The following CCDC93 variants were observed in gnomAD, a reference collection of about 807,000 sequenced individuals.
The protein encoded by CCDC93 is coiled-coil domain-containing protein 93.
In CCDC93, 61 loss-of-function variants were observed where a neutral mutation model predicts 108.2. The ratio of observed to expected loss-of-function variants is 0.56; its 90% CI spans 0.46 to 0.70. The LOEUF (loss-of-function observed/expected upper bound fraction) is 0.70, where lower values mean the gene tolerates loss of function less well. Ranked by LOEUF, CCDC93 falls within the 30% of genes least tolerant of loss-of-function variation. The pLI is 0.00. For synonymous variants in CCDC93, 276 were observed against 260.4 expected (o/e 1.06, Z -0.58); for missense variants, 685 against 764.2 (o/e 0.90, Z 1.22).
intron 1 of CCDC93, among the ~76,000 whole-genome samples, chr2:118,012,329 A>G (rs1677042033): frequency 6.6e-6 from 1 of 152,188 alleles, no homozygotes; most frequent in South Asian, 2.1e-4. Flanking sequence ...ACATCCTAAT[A>G]ACACAGACTA....
intron 13 of CCDC93, chr2:117,950,087 C>CA: frequency 1.1e-5 from 11 of 985,430 alleles, no homozygotes; most frequent in Non-Finnish European, 1.3e-5. Flanking sequence ...CCCAGAACAT[C>CA]AGTTACTACC....
At chr2:117,945,402 G>A (rs1678836266) in intron 17 of CCDC93, 127 bp downstream of exon 17, 10 of 722,274 alleles carry the variant, frequency 1.4e-5, no homozygotes. Flanking sequence ...CAATGCCCTG[G>A]AACGCCTAGA....
At chr2:117,928,088 T>G (rs1475090702) in intron 23 of CCDC93, among the ~76,000 whole-genome samples, 2 of 151,958 alleles carry the variant, frequency 1.3e-5, no homozygotes, top group Admixed American at 6.6e-5. Context: ...ATCCCTTCGT[T>G]ACACCTTATA....
chr2:118,013,129 T>C (rs546551126), intron 1 of CCDC93, among the ~76,000 whole-genome samples: 1 of 152,366 alleles, frequency 6.6e-6, no homozygotes, highest in South Asian at 2.1e-4. Context: ...TATGAGATGC[T>C]AAGTGGTATT....
chr2:118,001,010 C>G (rs1239104111), intron 3 of CCDC93, 78 bp from the exon 4 acceptor site: 2 of 855,406 alleles, frequency 2.3e-6, no homozygotes, highest in Admixed American at 3.7e-5. Context: ...TGGGCAGCAT[C>G]ACAGACGGAT....
intron 11 of CCDC93, among the ~76,000 whole-genome samples, chr2:117,971,637 T>A (rs773455900): frequency 2.6e-5 from 4 of 152,114 alleles, no homozygotes; most frequent in Admixed American, 6.5e-5. Context: ...AAAGAGAGAT[T>A]AAATATATGG....
At chr2:117,981,478 A>G (rs1221886536) in intron 7 of CCDC93, among the ~76,000 whole-genome samples, 1 of 152,162 alleles carries the variant, frequency 6.6e-6, no homozygotes. Flanking sequence ...TTGCTCCTGC[A>G]TTCCTCTTCT....
chr2:117,985,699 C>T (rs891607030), intron 7 of CCDC93, among the ~76,000 whole-genome samples: 1 of 152,114 alleles, frequency 6.6e-6, no homozygotes, highest in Non-Finnish European at 1.5e-5. Context: ...CAGGGGCATG[C>T]AGGACAGAGT....
In CCDC93 at chr2:118,008,554, G is replaced by GATAT; in HGVS notation, c.146_147insATAT (p.Phe50TyrfsTer3). 1 of 1,586,902 alleles carries GATAT rather than the reference G, an allele frequency of 6.3e-7. No individual in the cohort carries two copies. The highest frequency in any genetic ancestry group is 8.6e-7 in the Non-Finnish European group (1 of 1,156,410). ...AAAGATTTCCCCTTACCTTGTCAAA[G>GATAT]GGTGATAAGCCTTTAATTCTTGCCC... On this transcript the variant is annotated frameshift_variant, in exon 2 of 24. Transcript: ENST00000376300. LOFTEE classifies it high-confidence loss of function.
chr2:117,923,730 C>A (rs1027319525), intron 23 of CCDC93, among the ~76,000 whole-genome samples: 2 of 152,122 alleles, frequency 1.3e-5, no homozygotes, highest in Admixed American at 1.3e-4. Flanking sequence ...CAAAAGGCAG[C>A]AGAATCCTCT....
intron 3 of CCDC93, among the ~76,000 whole-genome samples, chr2:118,001,751 G>A (rs902402206): frequency 6.6e-6 from 1 of 152,144 alleles, no homozygotes; most frequent in Admixed American, 6.5e-5. Context: ...GCCTGAGCTG[G>A]GGTAGGACAG....
chr2:117,929,709 A>C (rs1678261580), intron 23 of CCDC93, among the ~76,000 whole-genome samples: 1 of 152,204 alleles, frequency 6.6e-6, no homozygotes, highest in South Asian at 2.1e-4. Context: ...GTTCCCTGCC[A>C]GTTCACTCAC....
At chr2:117,926,133 A>C (rs1435946540) in intron 23 of CCDC93, among the ~76,000 whole-genome samples, 1 of 152,192 alleles carries the variant, frequency 6.6e-6, no homozygotes, top group Admixed American at 6.5e-5. Context: ...GTAGAGGGAA[A>C]TTTATAGCAC....
chr2:117,932,609 G>C (rs1329181668), intron 22 of CCDC93, among the ~76,000 whole-genome samples: 1 of 152,122 alleles, frequency 6.6e-6, no homozygotes, highest in Non-Finnish European at 1.5e-5. Context: ...TCTCCAGTTT[G>C]GTGCCCTCCC....
intron 23 of CCDC93, among the ~76,000 whole-genome samples, chr2:117,921,220 G>A (rs896240560): frequency 6.7e-6 from 1 of 149,680 alleles, no homozygotes; most frequent in Non-Finnish European, 1.5e-5. Context: ...CCTTAAAACC[G>A]AACTGTATGA....
chr2:117,923,249 G>A (rs1167028953), intron 23 of CCDC93, among the ~76,000 whole-genome samples: 2 of 152,142 alleles, frequency 1.3e-5, no homozygotes, highest in African/African-American at 4.8e-5. Flanking sequence ...ACCTCACTGG[G>A]GAGTGTCAGA....
chr2:117,951,839 A>C, intron 13 of CCDC93: 1 of 250,462 alleles, frequency 4.0e-6, no homozygotes, highest in Non-Finnish European at 6.6e-6. Flanking sequence ...AACCTGGACT[A>C]CAGATTGAAT....
chr2:117,960,578 C>T (rs1315667281), intron 11 of CCDC93, among the ~76,000 whole-genome samples: 1 of 152,202 alleles, frequency 6.6e-6, no homozygotes, highest in African/African-American at 2.4e-5. Context: ...GTATGTGGCA[C>T]ACATACAGCT....
rs1353907390 is a variant in CCDC93 at position 117,917,207 on chromosome 2, G to A, written c.*3136C>T. On this transcript the variant is annotated 3_prime_UTR_variant, in exon 24 of 24. Transcript: ENST00000376300. ...AGCAGAAATATGAGGGCACAGGTTA[G>A]AGCCAGGGCTCACTGTCCGGAGTGC... The A allele has an allele frequency of 3.9e-5, 6 of 152,690 alleles. No individual in the cohort carries two copies. The highest frequency in any genetic ancestry group is 2.6e-4 in the Admixed American group (4 of 15,286). The allele number at this position is 152,690 out of a possible 1,614,324, so 9.5% of individuals were successfully genotyped here. A position where few individuals can be genotyped will look rare whatever the true frequency, so the allele number is the denominator to read the frequency against.
Sources: allele counts gnomAD v4.1 joint callset (sites outside exome capture counted in the v4.1 genomes callset), GRCh38; gene constraint gnomAD v4.1.1; transcripts MANE v1.5; gene names NCBI Gene and HGNC (gene_info 2026-07-23, HGNC 2026-07-21).